Variants in ADGB observed in about 807,000 individuals in gnomAD.
The protein encoded by ADGB is androglobin, also known as calpain-7-like protein.
ADGB carries 172 observed loss-of-function variants against 210.5 expected under a neutral mutation model. The ratio of observed to expected loss-of-function variants is 0.82; its 90% CI spans 0.72 to 0.93. The LOEUF (loss-of-function observed/expected upper bound fraction) is 0.93, where lower values mean the gene tolerates loss of function less well. ADGB is among the 40% of genes least tolerant of loss of function. The pLI, the probability that ADGB is intolerant of heterozygous loss-of-function variation, is 0.00. For missense variants in ADGB, 2,025 were observed against 1,964.8 expected (o/e 1.03, Z -0.58); for synonymous variants, 658 against 662.7 (o/e 0.99, Z 0.11).
At chr6:146,702,890 T>A (rs1436581446) in intron 13 of ADGB, among the ~76,000 whole-genome samples, 1 of 151,966 alleles carries the variant, frequency 6.6e-6, no homozygotes, top group African/African-American at 2.4e-5. Context: ...TAATTATTGC[T>A]AAATATACAC....
At chr6:146,644,907 G>C in intron 3 of ADGB, 42 bp downstream of exon 3, 1 of 1,193,182 alleles carries the variant, frequency 8.4e-7, no homozygotes, top group African/African-American at 1.6e-5. Flanking sequence ...TTACTATGTG[G>C]ATGTATTATC....
intron 7 of ADGB, among the ~76,000 whole-genome samples, chr6:146,669,934 A>C (rs979772616): frequency 6.6e-6 from 1 of 152,108 alleles, no homozygotes; most frequent in East Asian, 1.9e-4. Flanking sequence ...CATCTCAGTG[A>C]ATTTCACTAC....
chr6:146,626,013 A>G lies in ADGB; in HGVS notation c.75-9362A>G, dbSNP rs895658117. ...TCTTATCGTTTTATTCCTCTGCTAT[A>G]TTTTGGATAGATTATATTTTAAAAA... On this transcript the variant is annotated intron_variant, in intron 1 of 35. Coordinates refer to ENST00000397944, the MANE Select transcript of ADGB (RefSeq NM_024694.4). Among the ~76,000 whole-genome samples the G allele has an allele frequency of 1.7e-4, 26 of 151,530 alleles. 1 individual carries two copies. The highest frequency in any genetic ancestry group is 5.3e-4 in the African/African-American group (22 of 41,234).
chr6:146,692,885 G>T lies in ADGB; in HGVS notation c.1547G>T (p.Arg516Ile). The T allele has an allele frequency of 6.5e-7, 1 of 1,535,188 alleles. No individual in the cohort carries two copies. Residue 516 changes from arginine to isoleucine, a missense_variant, in exon 12 of 36, where the codon AGA becomes ATA. Arg to Ile is a moderately conservative substitution (Grantham distance 97). Coordinates refer to ENST00000397944, the MANE Select transcript of ADGB (RefSeq NM_024694.4). Reference sequence around the variant, plus strand: ...ATTTCAAGTCCATTTTTGAATTATAGAATGACTCCATTTACAATTCCAACA... The same window carrying T: ...ATTTCAAGTCCATTTTTGAATTATATAATGACTCCATTTACAATTCCAACA... The part of the protein sequence containing the change: ...LEISSPFLNY[R>I]MTPFTIPTEM...
intron 29 of ADGB, among the ~76,000 whole-genome samples, chr6:146,774,529 T>C (rs1777695335): frequency 1.3e-5 from 2 of 152,186 alleles, no homozygotes. Context: ...TTAAATTGTA[T>C]TTAAAATGAA....
In ADGB at chr6:146,655,413, C is replaced by T. The variant is rs78490913; in HGVS notation, c.402+1207C>T. ...CTTCCTGTGGGAACTCATCTCCCCA[C>T]CTCCTACTCCCCACCTCCCTGCCCC... is the stretch of plus-strand genomic sequence containing the variant. On this transcript the variant is annotated intron_variant, in intron 4 of 35. Transcript: ENST00000397944. 5.7e-3 allele frequency among the ~76,000 whole-genome samples: 867 copies of T among 152,222 alleles called. 8 individuals carry two copies. The highest frequency in any genetic ancestry group is 0.02 in the African/African-American group (810 of 41,538).
chr6:146,638,732 T>TA (rs1427276410), intron 2 of ADGB: 1 of 149,534 alleles, frequency 6.7e-6, no homozygotes, highest in African/African-American at 2.5e-5. Flanking sequence ...TGTGCACATG[T>TA]ACCCTAAAAC....
intron 9 of ADGB, 106 bp from the exon 10 acceptor site, chr6:146,685,628 C>T: frequency 5.9e-6 from 3 of 510,624 alleles, no homozygotes; most frequent in African/African-American, 2.0e-5. Flanking sequence ...TATTTTTCAC[C>T]AGCCCGAAGA....
chr6:146,759,316 G>A (rs938842135), intron 27 of ADGB, among the ~76,000 whole-genome samples: 1 of 151,600 alleles, frequency 6.6e-6, no homozygotes, highest in Non-Finnish European at 1.5e-5. Flanking sequence ...GGAATTTACA[G>A]AATATCTGTA....
chr6:146,799,316 C>G (rs922799436), intron 33 of ADGB, among the ~76,000 whole-genome samples: 1 of 151,912 alleles, frequency 6.6e-6, no homozygotes, highest in Non-Finnish European at 1.5e-5. Flanking sequence ...AAAAGATACA[C>G]TAACTGGGAA....
Position 146,803,563 on chromosome 6 carries a change from GC to G in ADGB, c.4818+1553del. On this transcript the variant is annotated intron_variant, in intron 35 of 35. Coordinates refer to ENST00000397944, the MANE Select transcript of ADGB (RefSeq NM_024694.4). ...TTGTCCAACTGTTCTATTTATGTAAGCAGCCAACTGTTTTGGAGACTTCTTA... is the reference window on the plus strand; with the variant it reads ...TTGTCCAACTGTTCTATTTATGTAAGAGCCAACTGTTTTGGAGACTTCTTA... The G allele has an allele frequency of 3.9e-6, 6 of 1,519,754 alleles. No individual in the cohort carries two copies. The Admixed American group carries it at 1.1e-4, about 27-fold the overall frequency. 94.1% of individuals were successfully genotyped at this position (1,519,754 alleles called of 1,614,324 possible). A position where few individuals can be genotyped will look rare whatever the true frequency, so the allele number is the denominator to read the frequency against.
At chr6:146,612,765 CAGGGAGAG>C (rs1440656171) in intron 1 of ADGB, among the ~76,000 whole-genome samples, 1 of 152,066 alleles carries the variant, frequency 6.6e-6, no homozygotes, top group Non-Finnish European at 1.5e-5. Context: ...AGAAGGGAGA[CAGGGAGAG>C]AGGGAGAGAG....
At chr6:146,714,119 A>G (rs918006129) in intron 13 of ADGB, among the ~76,000 whole-genome samples, 1 of 152,144 alleles carries the variant, frequency 6.6e-6, no homozygotes, top group South Asian at 2.1e-4. Context: ...TTTCTTTCAT[A>G]TAAGAATCTC....
chr6:146,717,021 T>C lies in ADGB; in HGVS notation c.1880T>C (p.Val627Ala), dbSNP rs372149339. The change falls in exon 15 of 36, where the codon GTT becomes GCT. Residue 627 changes from valine (V) to alanine (A), a missense_variant. Coordinates refer to ENST00000397944, the MANE Select transcript of ADGB (RefSeq NM_024694.4). ...GAACTTCCAACAACAAATAATAGTG[T>C]TTCTAAAGAAATATGGTTAGATTTT... ...QEELPTTNNSVSKEIWLDFED... is the reference protein window; with the variant it reads ...QEELPTTNNSASKEIWLDFED... 2.1e-5 allele frequency: 32 copies of C among 1,551,392 alleles called. No homozygotes were observed. Among genetic ancestry groups the C allele is most frequent in the Non-Finnish European group, 2.6e-5 (30 of 1,146,892 alleles).
chr6:146,671,233 A>C (rs1168611974), intron 7 of ADGB, among the ~76,000 whole-genome samples: 1 of 152,172 alleles, frequency 6.6e-6, no homozygotes, highest in Non-Finnish European at 1.5e-5. Flanking sequence ...GTTTTGAAAG[A>C]TTGCTCAGAG....
intron 23 of ADGB, among the ~76,000 whole-genome samples, chr6:146,739,891 C>T (rs936889998): frequency 3.3e-5 from 5 of 152,198 alleles, no homozygotes; most frequent in East Asian, 1.9e-4. Context: ...AGGGGGAAAA[C>T]GTGGAGAAAC....
chr6:146,690,297 C>T (rs1776284801), intron 10 of ADGB, among the ~76,000 whole-genome samples: 1 of 152,068 alleles, frequency 6.6e-6, no homozygotes, highest in South Asian at 2.1e-4. Flanking sequence ...GCATAGAAAT[C>T]ATTGAGACAA....
intron 4 of ADGB, among the ~76,000 whole-genome samples, chr6:146,656,500 C>G (rs1436344359): frequency 6.6e-6 from 1 of 152,124 alleles, no homozygotes; most frequent in Non-Finnish European, 1.5e-5. Flanking sequence ...AGAAGTCGTG[C>G]CAAATCACCC....
intron 27 of ADGB, among the ~76,000 whole-genome samples, chr6:146,753,838 T>A (rs1777361680): frequency 6.6e-6 from 1 of 151,852 alleles, no homozygotes; most frequent in Admixed American, 6.6e-5. Context: ...TAACTTTGTA[T>A]CTCTATGAGT....
Sources: allele counts gnomAD v4.1 joint callset (sites outside exome capture counted in the v4.1 genomes callset), GRCh38; gene constraint gnomAD v4.1.1; transcripts MANE v1.5; gene names NCBI Gene and HGNC (gene_info 2026-07-23, HGNC 2026-07-21).